Variants in TNNT1 observed in about 807,000 individuals in gnomAD.
The protein encoded by TNNT1 is troponin T, slow skeletal muscle.
A neutral mutation model predicts 50.6 loss-of-function variants in TNNT1; 53 were observed. That is an observed-to-expected ratio of 1.05 (90% CI 0.84 to 1.32). The LOEUF is 1.32. Among genes scored for constraint, TNNT1 ranks in the 40% most tolerant of loss-of-function variants. The probability of loss-of-function intolerance (pLI) is 0.00; values close to 1 mark genes in which losing one functional copy is unlikely to be tolerated. For missense variants in TNNT1, 348 were observed against 381.7 expected (o/e 0.91, Z 0.74); for synonymous variants, 142 against 138.0 (o/e 1.03, Z -0.20).
rs746356732 is a variant in TNNT1 at position 55,147,037 on chromosome 19, G to T, written c.33-16C>A. The T allele has an allele frequency of 9.9e-6, 16 of 1,612,422 alleles. No individual in the cohort carries two copies. The highest frequency in any genetic ancestry group is 1.3e-5 in the Non-Finnish European group (15 of 1,179,598). On this transcript the variant is annotated splice_polypyrimidine_tract_variant and intron_variant, in intron 2 of 13. Transcript: ENST00000588981. ...CGGCTGCTCCCTGCGGACGGGTGTG[G>T]GGAGAGAGGAGGGAGGGGAGAGTTA...
chr19:55,149,146 C>G lies in TNNT1; in HGVS notation c.-12+15G>C. ...ATGGTTTTTGAAGACCACAGGGCTCCGCAGAGCCCCTTACCTAGGCTGTGT... is the reference window on the plus strand; with the variant it reads ...ATGGTTTTTGAAGACCACAGGGCTCGGCAGAGCCCCTTACCTAGGCTGTGT... On this transcript the variant is annotated intron_variant, in intron 1 of 13. Transcript: ENST00000588981. The G allele has an allele frequency of 2.2e-6, 1 of 456,324 alleles. No homozygotes were observed. The highest frequency in any genetic ancestry group is 4.4e-6 in the Non-Finnish European group (1 of 226,946). The allele number at this position is 456,324 out of a possible 1,614,324, so 28.3% of individuals were successfully genotyped here. A position where few individuals can be genotyped will look rare whatever the true frequency, so the allele number is the denominator to read the frequency against.
chr19:55,142,138 T>C, intron 6 of TNNT1: 1 of 521,190 alleles, frequency 1.9e-6, no homozygotes, highest in Non-Finnish European at 3.5e-6. Context: ...GTTTTGTTTT[T>C]TTGACGGAGT....
intron 6 of TNNT1, among the ~76,000 whole-genome samples, chr19:55,144,650 C>T (rs772103282): frequency 6.6e-6 from 1 of 152,230 alleles, no homozygotes; most frequent in African/African-American, 2.4e-5. Context: ...GCTGCGCAGG[C>T]AGAGGGCACA....
At chr19:55,137,496 C>T (rs866199581) in intron 10 of TNNT1, among the ~76,000 whole-genome samples, 1 of 145,070 alleles carries the variant, frequency 6.9e-6, no homozygotes, top group Admixed American at 6.8e-5. Context: ...CTCCCTCAGC[C>T]CAGGAGTCCA....
intron 9 of TNNT1, among the ~76,000 whole-genome samples, chr19:55,139,668 C>G (rs1362301348): frequency 2.0e-5 from 3 of 152,138 alleles, no homozygotes; most frequent in Admixed American, 2.0e-4. Flanking sequence ...TTAATCACAT[C>G]TGCAAAATCC....
In TNNT1 at chr19:55,147,177, C is replaced by T; in HGVS notation, c.-11-9G>A. ...CGACATCCTGGTGCGGCCTAAGGAC[C>T]AGAGAGAAGAGGCCCAGTGGGGTGG... On this transcript the variant is annotated splice_polypyrimidine_tract_variant and intron_variant, in intron 1 of 13. Coordinates refer to ENST00000588981, the MANE Select transcript of TNNT1 (RefSeq NM_003283.6). The T allele has an allele frequency of 6.2e-7, 1 of 1,612,968 alleles. No individual in the cohort carries two copies. Among genetic ancestry groups the T allele is most frequent in the Non-Finnish European group, 8.5e-7 (1 of 1,179,452 alleles).
chr19:55,137,391 A>G (rs540448649), intron 10 of TNNT1, among the ~76,000 whole-genome samples, 179 bp from the exon 11 acceptor site: 12 of 150,834 alleles, frequency 8.0e-5, no homozygotes, highest in African/African-American at 2.9e-4. Context: ...CCTCAGATTC[A>G]GGAGGAGTCC....
At position 55,132,897 on chromosome 19, in the gene TNNT1, C is replaced by A; in HGVS notation, c.*18G>T. 1 of 1,596,916 alleles carries A rather than the reference C, an allele frequency of 6.3e-7. No homozygotes were observed. Among genetic ancestry groups the A allele is most frequent in the Non-Finnish European group, 8.5e-7 (1 of 1,172,996 alleles). On this transcript the variant is annotated 3_prime_UTR_variant, in exon 14 of 14. Coordinates refer to ENST00000588981, the MANE Select transcript of TNNT1 (RefSeq NM_003283.6). The stretch of plus-strand genomic sequence containing the variant: ...ACACTCCCAGGCTTCCCAGGTGCCA[C>A]TGTCCGGGGCGGCATCCTCACTTCC...
At chr19:55,139,147 G>A (rs1405674939) in intron 9 of TNNT1, among the ~76,000 whole-genome samples, 1 of 152,088 alleles carries the variant, frequency 6.6e-6, no homozygotes, top group Non-Finnish European at 1.5e-5. Context: ...TTACAGACAT[G>A]TGCCACCATT....
chr19:55,133,844 G>A, intron 13 of TNNT1, 43 bp downstream of exon 13: 1 of 1,613,082 alleles, frequency 6.2e-7, no homozygotes, highest in East Asian at 2.2e-5. Context: ...GAGTCAGCGG[G>A]AGGGTAGGGA....
At chr19:55,136,036 A>G (rs1327371985) in intron 11 of TNNT1, among the ~76,000 whole-genome samples, 1 of 152,178 alleles carries the variant, frequency 6.6e-6, no homozygotes, top group East Asian at 1.9e-4. Context: ...GCAGCTGTTA[A>G]ACATTTACCA....
At chr19:55,136,405 C>T (rs947646636) in intron 11 of TNNT1, among the ~76,000 whole-genome samples, 1 of 152,180 alleles carries the variant, frequency 6.6e-6, no homozygotes, top group Non-Finnish European at 1.5e-5. Flanking sequence ...TTATTACTAT[C>T]TCACTGCCCT....
In TNNT1 at chr19:55,134,295, G is replaced by A. The variant is rs573771613; in HGVS notation, c.612-91C>T. On this transcript the variant is annotated intron_variant, in intron 11 of 13. Transcript: ENST00000588981. ...GCGAGACTGTGAGTTCAGCGTTGTC[G>A]GCACCATTTTGTTCATATTTGAGGC... 1.3e-3 allele frequency: 1,642 copies of A among 1,308,196 alleles called. 1 individual carries two copies. The highest frequency in any genetic ancestry group is 1.6e-3 in the Non-Finnish European group (1,476 of 940,704). The allele number at this position is 1,308,196 out of a possible 1,614,324, so 81.0% of individuals were successfully genotyped here. A position where few individuals can be genotyped will look rare whatever the true frequency, so the allele number is the denominator to read the frequency against.
intron 9 of TNNT1, 40 bp downstream of exon 9, chr19:55,140,843 G>T (rs367677688): frequency 2.6e-6 from 4 of 1,538,382 alleles, no homozygotes; most frequent in Non-Finnish European, 3.6e-6. Flanking sequence ...TCCGGCTGAA[G>T]AAGTAACATT....
chr19:55,139,421 G>C (rs1344826054), intron 9 of TNNT1, among the ~76,000 whole-genome samples: 2 of 152,224 alleles, frequency 1.3e-5, no homozygotes, highest in Non-Finnish European at 2.9e-5. Context: ...GAATCAAGTT[G>C]TGAACAGAAC....
intron 5 of TNNT1, among the ~76,000 whole-genome samples, chr19:55,145,978 C>G (rs2147265943): frequency 9.2e-6 from 1 of 108,852 alleles, no homozygotes; most frequent in East Asian, 2.3e-4. Context: ...GCCCCCTGCC[C>G]ACCGCCCCAC....
intron 1 of TNNT1, chr19:55,147,463 C>A: frequency 2.4e-6 from 1 of 409,516 alleles, no homozygotes; most frequent in Non-Finnish European, 4.2e-6. Context: ...GCCTGGACTC[C>A]TGGGTCTGAG....
chr19:55,141,760 A>G lies in TNNT1; in HGVS notation c.192+97T>C, dbSNP rs113972150. The G allele has an allele frequency of 5.4e-3, 7,609 of 1,421,614 alleles. 349 individuals carry two copies. In the African/African-American group the frequency reaches 0.094, roughly 17 times the overall value. 88.1% of individuals were successfully genotyped at this position (1,421,614 alleles called of 1,614,324 possible). On this transcript the variant is annotated intron_variant, in intron 7 of 13. Transcript: ENST00000588981. ...CTCCCAAAGTGCTGGGATTACAGGC[A>G]TGAGGCCCCGCGCCCGGCCGGCGCC...
chr19:55,141,366 TCC>T, intron 7 of TNNT1, 64 bp from the exon 8 acceptor site: 1 of 1,200,124 alleles, frequency 8.3e-7, no homozygotes, highest in Non-Finnish European at 1.2e-6. Context: ...TCCCAGCACC[TCC>T]CCCATGCAGG....
Sources: gnomAD v4.1 joint callset for allele counts (sites outside exome capture counted in the v4.1 genomes callset) on GRCh38, gnomAD v4.1.1 for gene constraint, MANE v1.5 for transcripts, NCBI Gene and HGNC (gene_info 2026-07-23, HGNC 2026-07-21) for gene names.